Variants in CENPF observed in about 807,000 individuals in gnomAD.
The protein encoded by CENPF is AH antigen.
CENPF carries 214 observed loss-of-function variants against 307.3 expected under a neutral mutation model. The observed-to-expected ratio is 0.70, with a 90% CI of 0.62 to 0.78. The LOEUF (loss-of-function observed/expected upper bound fraction) is 0.78, where lower values mean the gene tolerates loss of function less well. Ranked by LOEUF, CENPF falls within the 30% of genes least tolerant of loss-of-function variation. CENPF has a pLI of 0.00. For missense variants in CENPF, 3,401 were observed against 3,483.9 expected (o/e 0.98, Z 0.60); for synonymous variants, 1,259 against 1,270.6 (o/e 0.99, Z 0.19).
intron 17 of CENPF, among the ~76,000 whole-genome samples, 194 bp downstream of exon 17, chr1:214,655,597 CT>C (rs1658610179): frequency 1.3e-5 from 2 of 151,954 alleles, no homozygotes; most frequent in South Asian, 2.1e-4. Flanking sequence ...AGAATGAAGC[CT>C]TTTTTTGTTT....
Position 214,642,546 on chromosome 1 carries a change from A to G in CENPF, c.4208A>G (p.His1403Arg), listed in dbSNP as rs1040894799. 11 of 1,611,988 alleles carry G rather than the reference A, an allele frequency of 6.8e-6. No homozygotes were observed. Among genetic ancestry groups the G allele is most frequent in the African/African-American group, 1.3e-5 (1 of 74,962 alleles). The change falls in exon 12 of 20, where the codon CAC (histidine) becomes CGC (arginine). Residue 1403 changes from histidine to arginine, a missense_variant. Physicochemically the swap from His to Arg is conservative, Grantham distance 29. Coordinates refer to ENST00000366955, the MANE Select transcript of CENPF (RefSeq NM_016343.4). The stretch of plus-strand genomic sequence containing the variant: ...TTGTCAGACAAAGAAGTTCAAATGC[A>G]CTTTGCCGAATTGCAAGAGAAATTC... ...LTLSDKEVQM[H>R]FAELQEKFLS...
chr1:214,621,722 T>A (rs1477708141), intron 6 of CENPF, among the ~76,000 whole-genome samples: 1 of 152,196 alleles, frequency 6.6e-6, no homozygotes, highest in Non-Finnish European at 1.5e-5. Context: ...AAAACAAATA[T>A]AGTTTGCTGT....
rs3748698 is a variant in CENPF, at chr1:214,646,956, A to G, written c.7386A>G (p.Glu2462=). 0.063 allele frequency: 102,322 copies of G among 1,614,060 alleles called. 4,229 individuals are homozygous for G. Among genetic ancestry groups the G allele is most frequent in the South Asian group, 0.15 (13,441 of 91,066 alleles). ...ERVAALHNDQ[E]ACKAKEQNLS... is the part of the protein sequence containing the mutation. ...TGGCAGCCCTGCATAATGACCAAGA[A>G]GCCTGTAAGGCCAAAGAGCAGAATC... The change falls in exon 13 of 20, where the codon GAA becomes GAG. Residue 2462 remains glutamate (E), a synonymous_variant. Coordinates refer to ENST00000366955, the MANE Select transcript of CENPF (RefSeq NM_016343.4).
chr1:214,654,661 T>C (rs1658582267), intron 16 of CENPF, among the ~76,000 whole-genome samples: 1 of 152,174 alleles, frequency 6.6e-6, no homozygotes, highest in Non-Finnish European at 1.5e-5. Context: ...TAGCTCTTTT[T>C]TTTTGATTTG....
chr1:214,618,402 T>G (rs1399025183), intron 3 of CENPF, among the ~76,000 whole-genome samples, 171 bp from the exon 4 acceptor site: 1 of 152,244 alleles, frequency 6.6e-6, no homozygotes, highest in Non-Finnish European at 1.5e-5. Flanking sequence ...GGTTTATGTC[T>G]GGCACATAAG....
rs373138290 is a variant in CENPF, at chr1:214,644,977, G to A, written c.5407G>A (p.Glu1803Lys). ...CAGAAAAGTTGAAAGTTTGCTAAATGAAATGAAAGAATTAGACTCAAAACT... is the reference window on the plus strand; with the variant it reads ...CAGAAAAGTTGAAAGTTTGCTAAATAAAATGAAAGAATTAGACTCAAAACT... The part of the protein sequence containing the change: ...RDRKVESLLN[E>K]MKELDSKLHL... Residue 1803 changes from glutamate to lysine, a missense_variant, in exon 13 of 20, where the codon GAA becomes AAA. By Grantham distance (56) the Glu-to-Lys change is moderately conservative (BLOSUM62 1). Coordinates refer to ENST00000366955, the MANE Select transcript of CENPF (RefSeq NM_016343.4). The A allele has an allele frequency of 1.7e-5, 28 of 1,612,784 alleles. No homozygotes were observed. In the African/African-American group the frequency reaches 2.7e-4, roughly 15 times the overall value.
At chr1:214,628,958 A>G in intron 7 of CENPF, 88 bp from the exon 8 acceptor site, 1 of 980,094 alleles carries the variant, frequency 1.0e-6, no homozygotes, top group Non-Finnish European at 1.5e-6. Context: ...TGCTAAAACA[A>G]TTATAGCAGT....
intron 7 of CENPF, among the ~76,000 whole-genome samples, chr1:214,626,997 C>T (rs548431787): frequency 3.3e-4 from 51 of 152,266 alleles, no homozygotes; most frequent in Non-Finnish European, 6.3e-4. Flanking sequence ...CACATAAAAT[C>T]GTGAATTAAT....
chr1:214,655,190 GCTTATAAA>G, intron 16 of CENPF, 43 bp from the exon 17 acceptor site: 1 of 1,200,922 alleles, frequency 8.3e-7, no homozygotes, highest in Non-Finnish European at 1.1e-6. Flanking sequence ...TTTTCCATAT[GCTTATAAA>G]AAGAAATTCA....
chr1:214,646,142 T>G lies in CENPF; in HGVS notation c.6572T>G (p.Ile2191Arg). The stretch of plus-strand genomic sequence containing the variant: ...GAAGTAGAGACTCTAAAAACACAAA[T>G]AGAAGAGATGGCCAGAAGCCTGAAA... ...KAEVETLKTQ[I>R]EEMARSLKVF... The change falls in exon 13 of 20, where the codon ATA (isoleucine) becomes AGA (arginine). Residue 2191 changes from isoleucine to arginine, a missense_variant. By Grantham distance (97) the Ile-to-Arg change is moderately conservative (BLOSUM62 -3). Coordinates refer to ENST00000366955, the MANE Select transcript of CENPF (RefSeq NM_016343.4). The G allele has an allele frequency of 6.2e-7, 1 of 1,613,900 alleles. No individual in the cohort carries two copies. The highest frequency in any genetic ancestry group is 8.5e-7 in the Non-Finnish European group (1 of 1,179,998).
chr1:214,615,245 T>C (rs1237596810), intron 3 of CENPF: 2 of 331,856 alleles, frequency 6.0e-6, no homozygotes, highest in African/African-American at 2.1e-5. Flanking sequence ...CAGTACGATA[T>C]AAATTTATCA....
At chr1:214,658,473 A>G (rs1326161417) in intron 18 of CENPF, among the ~76,000 whole-genome samples, 7 of 146,658 alleles carry the variant, frequency 4.8e-5, no homozygotes, top group African/African-American at 1.8e-4. Context: ...TTATTTTTCC[A>G]TTATACCCTC....
At chr1:214,612,595 G>A (rs992843016) in intron 1 of CENPF, among the ~76,000 whole-genome samples, 1 of 152,078 alleles carries the variant, frequency 6.6e-6, no homozygotes, top group Non-Finnish European at 1.5e-5. Flanking sequence ...GAGGCCCCAG[G>A]CCATTTAATC....
chr1:214,636,392 G>A (rs144767084), intron 10 of CENPF, among the ~76,000 whole-genome samples: 43 of 152,332 alleles, frequency 2.8e-4, no homozygotes, highest in African/African-American at 1.0e-3. Context: ...ATCGGTTGGA[G>A]CTGCCCTTTA....
intron 14 of CENPF, among the ~76,000 whole-genome samples, chr1:214,650,915 C>T (rs774805386): frequency 6.6e-6 from 1 of 152,012 alleles, no homozygotes; most frequent in South Asian, 2.1e-4. Context: ...AACCAACCAA[C>T]CAAACAACAA....
At chr1:214,636,840 G>T (rs949261190) in intron 10 of CENPF, among the ~76,000 whole-genome samples, 2 of 152,110 alleles carry the variant, frequency 1.3e-5, no homozygotes, top group African/African-American at 4.8e-5. Context: ...ATTTTTCCCC[G>T]CTTGAGGATG....
intron 1 of CENPF, among the ~76,000 whole-genome samples, chr1:214,610,019 CTTT>C (rs34695664): frequency 1.2e-4 from 16 of 130,320 alleles, no homozygotes; most frequent in East Asian, 6.6e-4. Context: ...GTGCATGTGC[CTTT>C]TTTTTTTTTT....
At chr1:214,620,122 G>GA (rs1657465287) in intron 5 of CENPF, among the ~76,000 whole-genome samples, 1 of 152,180 alleles carries the variant, frequency 6.6e-6, no homozygotes, top group South Asian at 2.1e-4. Flanking sequence ...GAGGCAGAGA[G>GA]AAGCATAGAA....
chr1:214,606,837 A>T (rs1029209924), intron 1 of CENPF, among the ~76,000 whole-genome samples: 11 of 151,992 alleles, frequency 7.2e-5, no homozygotes, highest in African/African-American at 2.7e-4. Flanking sequence ...GCCCAGTCCC[A>T]ACCACGCGGG....
Sources: gnomAD v4.1 joint callset for allele counts (sites outside exome capture counted in the v4.1 genomes callset) on GRCh38, gnomAD v4.1.1 for gene constraint, MANE v1.5 for transcripts, NCBI Gene and HGNC (gene_info 2026-07-23, HGNC 2026-07-21) for gene names.